Variants in SPOCK3 observed in about 807,000 individuals in gnomAD.
SPOCK3 encodes the protein testican-3.
A neutral mutation model predicts 56.6 loss-of-function variants in SPOCK3; 30 were observed. The ratio of observed to expected loss-of-function variants is 0.53; its 90% CI spans 0.40 to 0.72. The LOEUF (loss-of-function observed/expected upper bound fraction) is 0.72. SPOCK3 is among the 30% of genes least tolerant of loss of function. The pLI is 0.00. For synonymous variants in SPOCK3, 196 were observed against 183.3 expected (o/e 1.07, Z -0.56); for missense variants, 527 against 530.0 (o/e 0.99, Z 0.06).
rs142941954 is a variant in SPOCK3, at chr4:167,117,116, G to T, written c.190-54579C>A. On this transcript the variant is annotated intron_variant, in intron 2 of 10. Coordinates refer to ENST00000357545, the MANE Select transcript of SPOCK3 (RefSeq NM_001040159.2). ...ACACAAAGAAATGATGAAGGTTTGA[G>T]ATGATGGATCTTTCAATTACCCAAA... 9.6e-4 allele frequency among the ~76,000 whole-genome samples: 146 copies of T among 151,696 alleles called. 3 individuals carry two copies. In the East Asian group the frequency reaches 0.013, roughly 14 times the overall value.
intron 2 of SPOCK3, among the ~76,000 whole-genome samples, chr4:167,186,948 G>T (rs1335897426): frequency 1.4e-5 from 2 of 141,810 alleles, no homozygotes; most frequent in African/African-American, 5.4e-5. Context: ...CTGCACTCCA[G>T]CCTGGGTGAC....
intron 2 of SPOCK3, among the ~76,000 whole-genome samples, chr4:167,231,221 C>T (rs575202832): frequency 1.3e-5 from 2 of 151,828 alleles, no homozygotes; most frequent in South Asian, 4.1e-4. Context: ...ATTTAAGATA[C>T]TTTTAAAATG....
intron 4 of SPOCK3, among the ~76,000 whole-genome samples, chr4:166,920,976 T>C (rs950808051): frequency 6.6e-6 from 1 of 152,160 alleles, no homozygotes; most frequent in African/African-American, 2.4e-5. Flanking sequence ...AAACACAGCT[T>C]TTCCTTCATA....
intron 2 of SPOCK3, among the ~76,000 whole-genome samples, chr4:167,085,012 T>G (rs956539817): frequency 5.3e-5 from 8 of 151,984 alleles, no homozygotes; most frequent in African/African-American, 1.7e-4. Flanking sequence ...TCCAGGGTGA[T>G]GGGTTCACTT....
chr4:167,038,165 C>A (rs753185013), intron 3 of SPOCK3, among the ~76,000 whole-genome samples: 5 of 152,084 alleles, frequency 3.3e-5, no homozygotes, highest in Non-Finnish European at 5.9e-5. Context: ...TGTGAGGAAT[C>A]CCCTCTGCTC....
intron 3 of SPOCK3, among the ~76,000 whole-genome samples, chr4:167,022,879 C>T (rs1009016835): frequency 6.6e-6 from 1 of 151,912 alleles, no homozygotes; most frequent in African/African-American, 2.4e-5. Flanking sequence ...GATGATCCTC[C>T]AGGAATACAC....
intron 2 of SPOCK3, among the ~76,000 whole-genome samples, chr4:167,066,586 T>G (rs1287518257): frequency 6.6e-6 from 1 of 151,912 alleles, no homozygotes; most frequent in Non-Finnish European, 1.5e-5. Flanking sequence ...TTGTGTAATA[T>G]TTTATTAAGA....
chr4:166,840,771 GTTTTTTTTTTTTTT>G (rs70955697), intron 6 of SPOCK3, among the ~76,000 whole-genome samples: 2 of 68,194 alleles, frequency 2.9e-5, no homozygotes, highest in African/African-American at 1.1e-4. Flanking sequence ...AGAAGCAAAA[GTTTTTTTTTTTTTT>G]TTTTTTTTTT....
chr4:167,047,733 A>G (rs961529816), intron 3 of SPOCK3, among the ~76,000 whole-genome samples: 1 of 152,196 alleles, frequency 6.6e-6, no homozygotes, highest in African/African-American at 2.4e-5. Flanking sequence ...ACTAAATGAG[A>G]AGGCTAAATG....
At chr4:167,155,115 G>A (rs1355132516) in intron 2 of SPOCK3, among the ~76,000 whole-genome samples, 1 of 151,670 alleles carries the variant, frequency 6.6e-6, no homozygotes, top group Non-Finnish European at 1.5e-5. Context: ...AAAATTTTGT[G>A]ATTATCCACT....
chr4:167,139,227 G>T (rs911805041), intron 2 of SPOCK3, among the ~76,000 whole-genome samples: 1 of 151,918 alleles, frequency 6.6e-6, no homozygotes, highest in Admixed American at 6.6e-5. Context: ...ATATAAATGT[G>T]ATATATAACT....
intron 6 of SPOCK3, among the ~76,000 whole-genome samples, chr4:166,872,167 C>T (rs1171569176): frequency 6.6e-6 from 1 of 151,714 alleles, no homozygotes; most frequent in African/African-American, 2.4e-5. Flanking sequence ...TCTCATCACT[C>T]ATATTAAACA....
At chr4:166,766,045 G>C (rs1049707383) in intron 7 of SPOCK3, among the ~76,000 whole-genome samples, 1 of 152,140 alleles carries the variant, frequency 6.6e-6, no homozygotes, top group Non-Finnish European at 1.5e-5. Flanking sequence ...TTTGTATCCT[G>C]AGACTTTGCT....
At chr4:167,070,331 T>C (rs1247612927) in intron 2 of SPOCK3, among the ~76,000 whole-genome samples, 1 of 151,962 alleles carries the variant, frequency 6.6e-6, no homozygotes, top group African/African-American at 2.4e-5. Context: ...TACAACCATT[T>C]TATTTTCATT....
At chr4:167,178,977 T>A (rs1421188733) in intron 2 of SPOCK3, among the ~76,000 whole-genome samples, 1 of 152,162 alleles carries the variant, frequency 6.6e-6, no homozygotes, top group African/African-American at 2.4e-5. Flanking sequence ...AAACTTTCAA[T>A]GTCAATTTAA....
chr4:166,978,696 G>A (rs894685440), intron 4 of SPOCK3, among the ~76,000 whole-genome samples: 7 of 152,142 alleles, frequency 4.6e-5, no homozygotes, highest in Non-Finnish European at 7.4e-5. Flanking sequence ...AGGAAGAGGA[G>A]GGGGAGAAGG....
At chr4:167,127,445 G>A (rs1044778292) in intron 2 of SPOCK3, among the ~76,000 whole-genome samples, 8 of 137,506 alleles carry the variant, frequency 5.8e-5, no homozygotes, top group Non-Finnish European at 1.1e-4. Context: ...TTTTTTTTTT[G>A]GAGATGGAGT....
chr4:167,116,734 C>A (rs1250084593), intron 2 of SPOCK3, among the ~76,000 whole-genome samples: 1 of 130,784 alleles, frequency 7.6e-6, no homozygotes, highest in South Asian at 2.3e-4. Flanking sequence ...TATATACACA[C>A]ATATAGTATA....
intron 4 of SPOCK3, among the ~76,000 whole-genome samples, chr4:166,929,964 C>G (rs370303387): frequency 6.6e-6 from 1 of 152,162 alleles, no homozygotes; most frequent in Non-Finnish European, 1.5e-5. Flanking sequence ...AAGAACTATT[C>G]ATCTAAATAA....
Sources: allele counts gnomAD v4.1 joint callset (sites outside exome capture counted in the v4.1 genomes callset), GRCh38; gene constraint gnomAD v4.1.1; transcripts MANE v1.5; gene names NCBI Gene and HGNC (gene_info 2026-07-23, HGNC 2026-07-21).